ADAM12: variants seen among roughly 807,000 people sequenced by gnomAD.
The protein encoded by ADAM12 is ADAM metallopeptidase domain 12, also known as disintegrin and metalloproteinase domain-containing protein 12.
A neutral mutation model predicts 106.4 loss-of-function variants in ADAM12; 70 were observed. The ratio of observed to expected loss-of-function variants is 0.66; its 90% CI spans 0.54 to 0.80. The LOEUF (loss-of-function observed/expected upper bound fraction) is 0.80. Ranked by LOEUF, ADAM12 falls within the 30% of genes least tolerant of loss-of-function variation. ADAM12 has a pLI of 0.00. For synonymous variants in ADAM12, 420 were observed against 433.5 expected (o/e 0.97, Z 0.39); for missense variants, 1,010 against 1,171.9 (o/e 0.86, Z 2.02).
intron 3 of ADAM12, among the ~76,000 whole-genome samples, chr10:126,226,603 G>A (rs1172149065): frequency 6.6e-6 from 1 of 152,204 alleles, no homozygotes; most frequent in African/African-American, 2.4e-5. Flanking sequence ...TTTCATACCT[G>A]CAAATTAAGG....
chr10:126,171,019 A>G (rs1157221381), intron 3 of ADAM12, among the ~76,000 whole-genome samples: 1 of 152,232 alleles, frequency 6.6e-6, no homozygotes, highest in East Asian at 1.9e-4. Context: ...GGCCACACCA[A>G]TCAATATTCT....
At chr10:126,237,116 CT>C (rs963603764) in intron 3 of ADAM12, among the ~76,000 whole-genome samples, 9 of 152,172 alleles carry the variant, frequency 5.9e-5, no homozygotes, top group Non-Finnish European at 1.3e-4. Context: ...TTTTCTAGCA[CT>C]CTTCAAATAA....
intron 20 of ADAM12, 72 bp from the exon 21 acceptor site, chr10:126,036,397 A>G: frequency 6.7e-7 from 1 of 1,486,368 alleles, no homozygotes; most frequent in Non-Finnish European, 9.0e-7. Context: ...AGGAAAAAGC[A>G]GTGCTAACTC....
intron 3 of ADAM12, among the ~76,000 whole-genome samples, chr10:126,164,505 G>C (rs987736181): frequency 6.6e-6 from 1 of 152,148 alleles, no homozygotes; most frequent in Non-Finnish European, 1.5e-5. Flanking sequence ...TTATTAGAAT[G>C]TGGAAATACA....
In ADAM12 at chr10:126,043,881, G is replaced by A. The variant is rs778005799; in HGVS notation, c.1996-733C>T. Among the ~76,000 whole-genome samples, 3 of 152,162 alleles carry A rather than the reference G, an allele frequency of 2.0e-5. No homozygotes were observed. The highest frequency in any genetic ancestry group is 1.5e-5 in the Non-Finnish European group (1 of 68,030). On this transcript the variant is annotated intron_variant, in intron 17 of 22. Coordinates refer to ENST00000448723, the MANE Select transcript of ADAM12 (RefSeq NM_001288973.2). This position sits in a 1 kb window ranked among gnomAD's most constrained non-coding sequence, Gnocchi z 4.1. ...TGAAATAAGAGAATGGTTCTGGCACGGCGGGAAAGGGAGACCAAGAAAGCC... is the reference window on the plus strand; with the variant it reads ...TGAAATAAGAGAATGGTTCTGGCACAGCGGGAAAGGGAGACCAAGAAAGCC...
chr10:126,201,888 A>G (rs1957707652), intron 3 of ADAM12, among the ~76,000 whole-genome samples: 1 of 152,224 alleles, frequency 6.6e-6, no homozygotes, highest in Non-Finnish European at 1.5e-5. Context: ...TACCTCGAGC[A>G]GAGAGGCCTG....
At chr10:126,329,526 T>C (rs144154496) in intron 2 of ADAM12, among the ~76,000 whole-genome samples, 27 of 152,338 alleles carry the variant, frequency 1.8e-4, no homozygotes, top group African/African-American at 6.0e-4. Context: ...TTTGCAACAA[T>C]GTCTGTGAAA....
chr10:126,203,291 C>CA (rs59279756), intron 3 of ADAM12, among the ~76,000 whole-genome samples: 131,381 of 152,172 alleles, frequency 0.86, 56,831 homozygotes, highest in Admixed American at 0.9. Flanking sequence ...ATTAATATGT[C>CA]TATGCCTTCC....
intron 3 of ADAM12, among the ~76,000 whole-genome samples, chr10:126,234,888 G>T (rs1397692106): frequency 6.6e-6 from 1 of 152,236 alleles, no homozygotes; most frequent in Non-Finnish European, 1.5e-5. Flanking sequence ...CAGGGTCAAA[G>T]GGGCACGTGG....
chr10:126,295,918 CACACACACACATAA>C (rs1351372018), intron 2 of ADAM12, among the ~76,000 whole-genome samples: 44 of 151,372 alleles, frequency 2.9e-4, no homozygotes, highest in South Asian at 4.2e-4. Context: ...CAAACACACA[CACACACACACATAA>C]ACACACACAC....
chr10:126,041,134 C>T (rs774365827), intron 18 of ADAM12, among the ~76,000 whole-genome samples: 1 of 152,114 alleles, frequency 6.6e-6, no homozygotes, highest in Non-Finnish European at 1.5e-5. Flanking sequence ...CCCATGATGC[C>T]CTCTCTCCCT....
chr10:126,265,999 A>C (rs1408524878), intron 3 of ADAM12, among the ~76,000 whole-genome samples: 1 of 152,188 alleles, frequency 6.6e-6, no homozygotes, highest in Admixed American at 6.5e-5. Context: ...TTTTTTAGCA[A>C]TACATATGTC....
chr10:126,173,402 C>T (rs934316774), intron 3 of ADAM12, among the ~76,000 whole-genome samples: 4 of 152,116 alleles, frequency 2.6e-5, no homozygotes, highest in African/African-American at 9.7e-5. Flanking sequence ...CTCAGCTCAG[C>T]TGACAATCGG....
intron 11 of ADAM12, among the ~76,000 whole-genome samples, chr10:126,079,727 AT>A (rs1231893230): frequency 6.6e-6 from 1 of 152,344 alleles, no homozygotes; most frequent in Non-Finnish European, 1.5e-5. Flanking sequence ...ATCCTAAAAA[AT>A]AATTCTGTTT....
At chr10:126,364,597 C>T (rs952996376) in intron 1 of ADAM12, among the ~76,000 whole-genome samples, 1 of 152,088 alleles carries the variant, frequency 6.6e-6, no homozygotes. Flanking sequence ...CTAAAAAGTG[C>T]TTTGTAATAA....
At position 126,204,282 on chromosome 10, in the gene ADAM12, C is replaced by T. The variant is rs184488874; in HGVS notation, c.261-48977G>A. On this transcript the variant is annotated intron_variant, in intron 3 of 22. Coordinates refer to ENST00000448723, the MANE Select transcript of ADAM12 (RefSeq NM_001288973.2). ...GGGAGGAAACATGGCTTCCCTTTCC[C>T]CTCCATTAGACATTGTTGGGTGAAG... Among the ~76,000 whole-genome samples the T allele has an allele frequency of 3.7e-4, 56 of 152,334 alleles. 1 individual carries two copies. Among genetic ancestry groups the T allele is most frequent in the African/African-American group, 1.3e-3 (53 of 41,576 alleles).
chr10:126,177,442 T>C lies in ADAM12; in HGVS notation c.261-22137A>G, dbSNP rs561242643. Reference sequence around the variant, plus strand: ...AGAAGGTCTCATGAATCTGACCATTTTGTGGAACAGACAACTAAGACACAA... The same window carrying C: ...AGAAGGTCTCATGAATCTGACCATTCTGTGGAACAGACAACTAAGACACAA... On this transcript the variant is annotated intron_variant, in intron 3 of 22. Transcript: ENST00000448723. Among the ~76,000 whole-genome samples the C allele has an allele frequency of 3.3e-5, 5 of 152,298 alleles. No individual in the cohort carries two copies. In the East Asian group the frequency reaches 7.7e-4, roughly 23 times the overall value.
At chr10:126,278,747 T>C (rs992592150) in intron 3 of ADAM12, among the ~76,000 whole-genome samples, 168 bp downstream of exon 3, 2 of 152,344 alleles carry the variant, frequency 1.3e-5, no homozygotes, top group Admixed American at 6.5e-5. Context: ...TCTTTATTTT[T>C]CCATTAGATA....
intron 3 of ADAM12, among the ~76,000 whole-genome samples, chr10:126,182,664 T>A (rs1288730262): frequency 6.6e-6 from 1 of 152,118 alleles, no homozygotes; most frequent in Non-Finnish European, 1.5e-5. Flanking sequence ...CTGCGGGGAT[T>A]CAAAGCAAAT....
Sources: gnomAD v4.1 joint callset for allele counts (sites outside exome capture counted in the v4.1 genomes callset) on GRCh38, gnomAD v4.1.1 for gene constraint, Gnocchi (gnomAD v3.1) non-coding constraint, MANE v1.5 for transcripts, NCBI Gene and HGNC (gene_info 2026-07-23, HGNC 2026-07-21) for gene names.